FSTL4: variants seen among roughly 807,000 people sequenced by gnomAD.
The protein encoded by FSTL4 is follistatin-related protein 4.
Under a neutral mutation model 78.2 loss-of-function variants are expected in FSTL4, and 28 were observed. The observed-to-expected ratio is 0.36, with a 90% CI of 0.27 to 0.49. The LOEUF is 0.49. FSTL4 is among the 20% of genes least tolerant of loss of function. The pLI is 0.98. For synonymous variants in FSTL4, 422 were observed against 440.5 expected, an observed-to-expected ratio of 0.96 and a Z score of 0.53; for missense variants, 922 against 1,084.9, an observed-to-expected ratio of 0.85 and a Z score of 2.11.
chr5:133,458,470 C>T (rs1379263521), intron 3 of FSTL4: 2 of 152,232 alleles, frequency 1.3e-5, no homozygotes, highest in Admixed American at 1.3e-4. Flanking sequence ...CTGTCTTCAT[C>T]CCAAATTGAA....
At chr5:133,383,199 G>A (rs1197037056) in intron 4 of FSTL4, among the ~76,000 whole-genome samples, 1 of 152,102 alleles carries the variant, frequency 6.6e-6, no homozygotes, top group East Asian at 1.9e-4. Context: ...ACTTCCTCCT[G>A]GCCATTCCAG....
At chr5:133,826,089 G>T in the FSTL4 span, among the ~76,000 whole-genome samples, 1 of 152,186 alleles carries the variant, frequency 6.6e-6, no homozygotes, top group Non-Finnish European at 1.5e-5. Flanking sequence ...ATTCACAAAA[G>T]TACATGCAGC....
chr5:133,395,806 C>T (rs1203886976), intron 4 of FSTL4, among the ~76,000 whole-genome samples: 2 of 152,184 alleles, frequency 1.3e-5, no homozygotes, highest in East Asian at 3.9e-4. Flanking sequence ...CCCTCTCCTC[C>T]AGCACCTTCT....
In FSTL4 at chr5:133,487,254, C is replaced by T. The variant is rs531775322; in HGVS notation, c.160+79932G>A. Among the ~76,000 whole-genome samples the T allele has an allele frequency of 1.4e-4, 21 of 152,300 alleles. No homozygotes were observed. The South Asian group carries it at 2.7e-3, about 20-fold the overall frequency. ...CCCTTACATCTCCCTGCACTTGGCA[C>T]GTGGCTCTGCACTCCTCCCAGGGTG... On this transcript the variant is annotated intron_variant, in intron 3 of 15. Coordinates refer to ENST00000265342, the MANE Select transcript of FSTL4 (RefSeq NM_015082.2).
intron 15 of FSTL4, among the ~76,000 whole-genome samples, chr5:133,200,740 G>T (rs1443723995): frequency 6.6e-6 from 1 of 152,190 alleles, no homozygotes; most frequent in Non-Finnish European, 1.5e-5. Context: ...TTGGTGCTGT[G>T]TACACCTGCA....
In FSTL4 at chr5:133,430,483, G is replaced by C. The variant is rs536357423; in HGVS notation, c.161-29497C>G. On this transcript the variant is annotated intron_variant, in intron 3 of 15. Transcript: ENST00000265342. ...TCACTATCATCTCAGCAGGACTTGG[G>C]AGAGGAATAGCCAAGCCAGAGACCT... 2.7e-4 allele frequency among the ~76,000 whole-genome samples: 41 copies of C among 152,290 alleles called. No individual in the cohort carries two copies. The South Asian group carries it at 5.8e-3, about 22-fold the overall frequency.
chr5:133,709,568 C>A, the FSTL4 span, among the ~76,000 whole-genome samples: 2 of 152,378 alleles, frequency 1.3e-5, no homozygotes, highest in Non-Finnish European at 2.9e-5. Flanking sequence ...ATGGCTCGGG[C>A]CACTCTGCAG....
chr5:133,841,990 G>A, the FSTL4 span, among the ~76,000 whole-genome samples: 2 of 152,202 alleles, frequency 1.3e-5, no homozygotes, highest in Admixed American at 6.5e-5. Flanking sequence ...ACCACTGGCT[G>A]CCGGCATTTC....
chr5:133,480,166 T>A (rs1357668953), intron 3 of FSTL4, among the ~76,000 whole-genome samples: 1 of 152,214 alleles, frequency 6.6e-6, no homozygotes, highest in Non-Finnish European at 1.5e-5. Context: ...GGGGAGGGAC[T>A]CACAGGCTGG....
At chr5:133,704,816 G>T in the FSTL4 span, among the ~76,000 whole-genome samples, 1 of 152,194 alleles carries the variant, frequency 6.6e-6, no homozygotes, top group Non-Finnish European at 1.5e-5. Context: ...TTCAGGCATG[G>T]TGTCAGCTGG....
chr5:133,513,669 G>C (rs995167680), intron 3 of FSTL4, among the ~76,000 whole-genome samples: 1 of 152,170 alleles, frequency 6.6e-6, no homozygotes, highest in African/African-American at 2.4e-5. Flanking sequence ...CTATTGGTCA[G>C]CAGTGACTGG....
At chr5:133,341,483 G>A (rs1754581187) in intron 4 of FSTL4, among the ~76,000 whole-genome samples, 1 of 152,016 alleles carries the variant, frequency 6.6e-6, no homozygotes, top group South Asian at 2.1e-4. Context: ...TTCCCACCAA[G>A]CCCCTGTGTG....
chr5:133,525,561 G>A (rs1759077692), intron 3 of FSTL4, among the ~76,000 whole-genome samples: 1 of 152,228 alleles, frequency 6.6e-6, no homozygotes, highest in South Asian at 2.1e-4. Flanking sequence ...GTTCTCCTGA[G>A]ACTGGCAAAT....
intron 4 of FSTL4, among the ~76,000 whole-genome samples, chr5:133,346,417 T>A (rs1308738458): frequency 6.6e-6 from 1 of 152,018 alleles, no homozygotes; most frequent in Admixed American, 6.6e-5. Flanking sequence ...AATAAATAAA[T>A]AAAAAATAAA....
the FSTL4 span, among the ~76,000 whole-genome samples, chr5:133,791,282 A>G: frequency 2.1e-5 from 3 of 143,096 alleles, no homozygotes; most frequent in African/African-American, 8.7e-5. Flanking sequence ...GTGCGTGCAC[A>G]CACACACACA....
intron 3 of FSTL4, among the ~76,000 whole-genome samples, chr5:133,407,116 C>A (rs1475971684): frequency 6.6e-6 from 1 of 152,198 alleles, no homozygotes; most frequent in African/African-American, 2.4e-5. Flanking sequence ...CCTCACCCAC[C>A]TCAGGGACAC....
At chr5:133,342,130 T>C (rs540213195) in intron 4 of FSTL4, among the ~76,000 whole-genome samples, 35 of 152,192 alleles carry the variant, frequency 2.3e-4, no homozygotes, top group South Asian at 1.7e-3. Flanking sequence ...AAGGAGAGCC[T>C]TCCTGTTGAC....
Position 133,437,646 on chromosome 5 carries a change from C to T in FSTL4, c.161-36660G>A, listed in dbSNP as rs148915683. On this transcript the variant is annotated intron_variant, in intron 3 of 15. Coordinates refer to ENST00000265342, the MANE Select transcript of FSTL4 (RefSeq NM_015082.2). ...CTGGGATTACAGTTGCTCGCCACCACACCCGGTTAATTTTTTGTATTTTTA... is the reference window on the plus strand; with the variant it reads ...CTGGGATTACAGTTGCTCGCCACCATACCCGGTTAATTTTTTGTATTTTTA... Among the ~76,000 whole-genome samples the T allele has an allele frequency of 2.2e-3, 335 of 151,978 alleles. 1 individual carries two copies. Among genetic ancestry groups the T allele is most frequent in the African/African-American group, 7.6e-3 (314 of 41,458 alleles).
At chr5:133,757,011 T>G in the FSTL4 span, among the ~76,000 whole-genome samples, 3 of 152,162 alleles carry the variant, frequency 2.0e-5, no homozygotes, top group Non-Finnish European at 4.4e-5. Flanking sequence ...TCTCTTTCAG[T>G]GAGAGCCATA....
Sources: gnomAD v4.1 joint callset for allele counts (sites outside exome capture counted in the v4.1 genomes callset) on GRCh38, gnomAD v4.1.1 for gene constraint, MANE v1.5 for transcripts, NCBI Gene and HGNC (gene_info 2026-07-23, HGNC 2026-07-21) for gene names.